The following MEAK7 variants were observed in gnomAD, a reference collection of about 807,000 sequenced individuals.
MEAK7 encodes MTOR-associated protein MEAK7.
In MEAK7, 68 loss-of-function variants were observed where a neutral mutation model predicts 40.5. That is an observed-to-expected ratio of 1.68 (90% CI 1.38 to 2.06). MEAK7 has a LOEUF of 2.06. Among genes scored for constraint, MEAK7 ranks in the 30% most tolerant of loss-of-function variants. The pLI, the probability that MEAK7 is intolerant of heterozygous loss-of-function variation, is 0.00. For missense variants in MEAK7, 918 were observed against 580.5 expected (o/e 1.58, Z -5.98); for synonymous variants, 338 against 231.9 (o/e 1.46, Z -4.16).
At position 84,486,871 on chromosome 16, in the gene MEAK7, T is replaced by C. The variant is rs1358869057; in HGVS notation, c.718A>G (p.Arg240Gly). The C allele has an allele frequency of 6.2e-7, 1 of 1,614,130 alleles. No homozygotes were observed. Among genetic ancestry groups the C allele is most frequent in the Non-Finnish European group, 8.5e-7 (1 of 1,180,034 alleles). The change falls in exon 5 of 8, where the codon AGG becomes GGG. Residue 240 changes from arginine to glycine, a missense_variant. Physicochemically the swap from Arg to Gly is moderately radical, Grantham distance 125 (BLOSUM62 -2). Coordinates refer to ENST00000343629, the MANE Select transcript of MEAK7 (RefSeq NM_020947.4). ...LVPERQVDQG[R>G]GFESILDVLS... The stretch of plus-strand genomic sequence containing the variant: ...ACATCCAGGATGCTCTCAAAACCCC[T>C]GCCCTGGTCCACTTGACGCTCAGGG...
intron 1 of MEAK7, among the ~76,000 whole-genome samples, chr16:84,501,105 G>GAAAAAAAAAAAAAA (rs35447624): frequency 4.8e-5 from 5 of 103,632 alleles, no homozygotes; most frequent in Non-Finnish European, 5.4e-5. Flanking sequence ...AAAAAAAAAA[G>GAAAAAAAAAAAAAA]AAAAAAAAAA....
chr16:84,501,769 A>G (rs1914525047), intron 1 of MEAK7, among the ~76,000 whole-genome samples: 1 of 152,168 alleles, frequency 6.6e-6, no homozygotes, highest in African/African-American at 2.4e-5. Context: ...CATTCTTAGT[A>G]CCTGCAGAGT....
chr16:84,487,062 A>C lies in MEAK7; in HGVS notation c.530-3T>G. The stretch of plus-strand genomic sequence containing the variant: ...GGGCCCCAGAAGTCTCTTGCCATCT[A>C]GGGGAAGGGGATGGTCAGCATTAGT... On this transcript the variant is annotated splice_region_variant and splice_polypyrimidine_tract_variant and intron_variant, in intron 4 of 7. Transcript: ENST00000343629. The C allele has an allele frequency of 1.9e-6, 3 of 1,607,214 alleles. No individual in the cohort carries two copies. The highest frequency in any genetic ancestry group is 2.5e-6 in the Non-Finnish European group (3 of 1,176,686).
chr16:84,501,005 G>A (rs1914450457), intron 1 of MEAK7, among the ~76,000 whole-genome samples: 1 of 146,186 alleles, frequency 6.8e-6, no homozygotes, highest in Non-Finnish European at 1.5e-5. Flanking sequence ...TGAGGCAGAA[G>A]AATTGGTTGA....
chr16:84,489,445 T>C (rs1417151552), intron 3 of MEAK7, 23 bp from the exon 4 acceptor site: 18 of 1,589,856 alleles, frequency 1.1e-5, no homozygotes, highest in Non-Finnish European at 1.5e-5. Context: ...AATTTTACCA[T>C]TAAAAACAGT....
intron 1 of MEAK7, among the ~76,000 whole-genome samples, chr16:84,498,408 A>G (rs896232971): frequency 1.3e-5 from 2 of 150,654 alleles, no homozygotes; most frequent in Admixed American, 6.6e-5. Context: ...AGCTGGGACT[A>G]CAGGACCACA....
intron 1 of MEAK7, chr16:84,504,170 G>T: frequency 2.0e-6 from 2 of 985,488 alleles, no homozygotes; most frequent in Non-Finnish European, 2.4e-6. Context: ...AGATGGGTGT[G>T]GTCAGAATAC....
intron 1 of MEAK7, among the ~76,000 whole-genome samples, chr16:84,501,373 C>A (rs960793406): frequency 2.0e-5 from 3 of 152,056 alleles, no homozygotes; most frequent in Non-Finnish European, 4.4e-5. Context: ...GGGGCCCAGG[C>A]CTGACTCCAC....
In MEAK7 at chr16:84,478,072, A is replaced by G. The variant is rs536321260; in HGVS notation, c.*1841T>C. The G allele has an allele frequency of 2.4e-4, 37 of 152,158 alleles. No individual in the cohort carries two copies. Among genetic ancestry groups the G allele is most frequent in the African/African-American group, 7.2e-4 (30 of 41,526 alleles). 9.4% of individuals were successfully genotyped at this position (152,158 alleles called of 1,614,324 possible). A position where few individuals can be genotyped will look rare whatever the true frequency, so the allele number is the denominator to read the frequency against. The stretch of plus-strand genomic sequence containing the variant: ...TAATTTTTTTTTTAACTGAGGCATC[A>G]TGGCAGTTTAATAGTGAGGTATTTA... On this transcript the variant is annotated 3_prime_UTR_variant, in exon 8 of 8. Transcript: ENST00000343629.
At chr16:84,492,901 T>G (rs1913744302) in intron 3 of MEAK7, among the ~76,000 whole-genome samples, 1 of 152,232 alleles carries the variant, frequency 6.6e-6, no homozygotes, top group Admixed American at 6.5e-5. Context: ...TGTTTTAAAC[T>G]TCTGATATTT....
intron 3 of MEAK7, among the ~76,000 whole-genome samples, chr16:84,490,280 G>GGA (rs370596894): frequency 7.1e-6 from 1 of 141,166 alleles, no homozygotes; most frequent in Non-Finnish European, 1.5e-5. Flanking sequence ...ATAGCTGGGG[G>GGA]AAAAAAAAAA....
Position 84,476,609 on chromosome 16 carries a change from G to T in MEAK7, c.*3304C>A, listed in dbSNP as rs142875274. The stretch of plus-strand genomic sequence containing the variant: ...AAAATGTTCCCCAGCTGCAGACGGT[G>T]GAACGCTAGGCCCGAGAGCATCCAT... On this transcript the variant is annotated 3_prime_UTR_variant, in exon 8 of 8. Coordinates refer to ENST00000343629, the MANE Select transcript of MEAK7 (RefSeq NM_020947.4). 1 of 152,142 alleles carries T rather than the reference G, an allele frequency of 6.6e-6. No individual in the cohort carries two copies. Among genetic ancestry groups the T allele is most frequent in the Non-Finnish European group, 1.5e-5 (1 of 68,014 alleles). The allele number at this position is 152,142 out of a possible 1,614,324, so 9.4% of individuals were successfully genotyped here. A position where few individuals can be genotyped will look rare whatever the true frequency, so the allele number is the denominator to read the frequency against.
chr16:84,479,306 C>G lies in MEAK7; in HGVS notation c.*607G>C, dbSNP rs971788978. On this transcript the variant is annotated 3_prime_UTR_variant, in exon 8 of 8. Coordinates refer to ENST00000343629, the MANE Select transcript of MEAK7 (RefSeq NM_020947.4). ...AGAACAGACCATCAGGTACCACCTTCTAACAGGGATGGCCTGAGTGAGGCC... is the reference window on the plus strand; with the variant it reads ...AGAACAGACCATCAGGTACCACCTTGTAACAGGGATGGCCTGAGTGAGGCC... The G allele has an allele frequency of 2.6e-5, 4 of 152,270 alleles. No homozygotes were observed. Among genetic ancestry groups the G allele is most frequent in the Admixed American group, 6.5e-5 (1 of 15,282 alleles). The allele number at this position is 152,270 out of a possible 1,614,324, so 9.4% of individuals were successfully genotyped here.
chr16:84,497,534 A>G, intron 2 of MEAK7: 1 of 1,291,378 alleles, frequency 7.7e-7, no homozygotes, highest in Non-Finnish European at 1.0e-6. Flanking sequence ...GTCAGGAGGG[A>G]CGTGGTTCAA....
At chr16:84,482,208 C>T (rs1437896766) in intron 6 of MEAK7, among the ~76,000 whole-genome samples, 1 of 152,192 alleles carries the variant, frequency 6.6e-6, no homozygotes, top group Non-Finnish European at 1.5e-5. Context: ...CATGAGCTGC[C>T]GGCCGTCCAT....
chr16:84,481,037 A>AGGGCCCC (rs1912491090), intron 6 of MEAK7, among the ~76,000 whole-genome samples: 1 of 140,210 alleles, frequency 7.1e-6, no homozygotes, highest in Non-Finnish European at 1.6e-5. Context: ...TCCAGGGCCC[A>AGGGCCCC]GGGCCCCGCC....
chr16:84,499,887 A>C (rs924723928), intron 1 of MEAK7: 2 of 152,186 alleles, frequency 1.3e-5, no homozygotes, highest in Admixed American at 1.3e-4. Flanking sequence ...AAACGTAAAA[A>C]TTCGCCAGGC....
In MEAK7 at chr16:84,480,637, G is replaced by C. The variant is rs1464633397; in HGVS notation, c.1149C>G (p.Ala383=). The C allele has an allele frequency of 3.1e-6, 5 of 1,613,926 alleles. No homozygotes were observed. In the East Asian group the frequency reaches 6.7e-5, roughly 22 times the overall value. The change falls in exon 7 of 8, where the codon GCC becomes GCG. Residue 383 remains alanine, a synonymous_variant. Transcript: ENST00000343629. ...DVDFGKGHSR[A]KPTCTTYNSP... ...TGTTGTACGTGGTGCACGTGGGCTT[G>C]GCTCTGCTGTGTCCTTTCCCAAAAT...
Position 84,489,364 on chromosome 16 carries a change from C to G in MEAK7, c.443G>C (p.Arg148Thr). 1.2e-6 allele frequency: 2 copies of G among 1,614,176 alleles called. No homozygotes were observed. The highest frequency in any genetic ancestry group is 1.3e-5 in the African/African-American group (1 of 75,046). ...TGGGGCTTCCTTCCCAGTCCAGCCT[C>G]TCAGCTCCTGTCTGTGGCTTAGCAC... ...VHVLSHRQEL[R>T]GWTGKEAPGP... Residue 148 changes from arginine (R) to threonine (T), a missense_variant, in exon 4 of 8, where the codon AGA (arginine) becomes ACA (threonine). Physicochemically the swap from Arg to Thr is moderately conservative, Grantham distance 71 (BLOSUM62 -1). Coordinates refer to ENST00000343629, the MANE Select transcript of MEAK7 (RefSeq NM_020947.4).
Sources: allele counts gnomAD v4.1 joint callset (sites outside exome capture counted in the v4.1 genomes callset), GRCh38; gene constraint gnomAD v4.1.1; transcripts MANE v1.5; gene names NCBI Gene and HGNC (gene_info 2026-07-23, HGNC 2026-07-21).